The following PHYKPL variants were observed in gnomAD, a reference collection of about 807,000 sequenced individuals.
The protein encoded by PHYKPL is 5-phosphonooxy-L-lysine phospho-lyase.
In PHYKPL, 42 loss-of-function variants were observed where a neutral mutation model predicts 51.3. The ratio of observed to expected loss-of-function variants is 0.82; its 90% CI spans 0.64 to 1.06. The LOEUF (loss-of-function observed/expected upper bound fraction) is 1.06. Ranked by LOEUF, PHYKPL falls within the 50% of genes least tolerant of loss-of-function variation. The pLI, the probability that PHYKPL is intolerant of heterozygous loss-of-function variation, is 0.00. For synonymous variants in PHYKPL, 264 were observed against 236.0 expected (o/e 1.12, Z -1.09); for missense variants, 655 against 586.6 (o/e 1.12, Z -1.20).
chr5:178,210,648 AT>A, intron 12 of PHYKPL: 2 of 1,570,024 alleles, frequency 1.3e-6, no homozygotes, highest in South Asian at 2.2e-5. Flanking sequence ...CGACCAACTG[AT>A]CGCACACATG....
Position 178,215,404 on chromosome 5 carries a change from A to G in PHYKPL, c.954T>C (p.Ala318=). 6.2e-7 allele frequency: 1 copy of G among 1,613,678 alleles called. No individual in the cohort carries two copies. Among genetic ancestry groups the G allele is most frequent in the Non-Finnish European group, 8.5e-7 (1 of 1,179,892 alleles). ...AGACATTCAGGACGGCCAGCCCCACAGCGCAGGACACTGGGCTGCCCCCAA... is the reference window on the plus strand; with the variant it reads ...AGACATTCAGGACGGCCAGCCCCACGGCGCAGGACACTGGGCTGCCCCCAA... ...NTFGGSPVSC[A]VGLAVLNVLE... Residue 318 remains alanine (A), a synonymous_variant, in exon 9 of 13, where the codon GCT becomes GCC. Transcript: ENST00000308158.
intron 8 of PHYKPL, among the ~76,000 whole-genome samples, chr5:178,217,858 A>AG (rs1224961957): frequency 1.4e-5 from 2 of 147,934 alleles, no homozygotes; most frequent in African/African-American, 2.5e-5. Flanking sequence ...ACTCCGTCTC[A>AG]GAAAAAAAAA....
chr5:178,215,702 G>T, intron 8 of PHYKPL: 1 of 440,530 alleles, frequency 2.3e-6, no homozygotes, highest in Non-Finnish European at 4.0e-6. Flanking sequence ...AGAGGAGAGG[G>T]TGTCCTGTTT....
chr5:178,215,171 G>A, intron 9 of PHYKPL, 105 bp downstream of exon 9: 1 of 1,551,398 alleles, frequency 6.4e-7, no homozygotes, highest in South Asian at 1.1e-5. Flanking sequence ...AGTTCCTCTT[G>A]AGAGCGGACA....
rs1300356870 is a variant in PHYKPL at position 178,218,088 on chromosome 5, G to A, written c.928-2658C>T. Reference sequence around the variant, plus strand: ...AAAAATTAGCCGGGCGTGGTAGCGGGCGCCTGTAGTCCCAGCTACTCGGGA... The same window carrying A: ...AAAAATTAGCCGGGCGTGGTAGCGGACGCCTGTAGTCCCAGCTACTCGGGA... On this transcript the variant is annotated intron_variant, in intron 8 of 12. Transcript: ENST00000308158. Among the ~76,000 whole-genome samples the A allele has an allele frequency of 7.1e-5, 8 of 111,994 alleles. 1 individual carries two copies. The highest frequency in any genetic ancestry group is 5.3e-5 in the Non-Finnish European group (3 of 56,598). The allele number at this position is 111,994 out of a possible 152,430, so 73.5% of individuals were successfully genotyped here.
rs773646022 is a variant in PHYKPL at position 178,224,628 on chromosome 5, T to C, written c.501+14A>G. 22 of 1,614,080 alleles carry C rather than the reference T, an allele frequency of 1.4e-5. No individual in the cohort carries two copies. Among genetic ancestry groups the C allele is most frequent in the Non-Finnish European group, 1.9e-5 (22 of 1,180,030 alleles). On this transcript the variant is annotated intron_variant, in intron 5 of 12. Transcript: ENST00000308158. ...GACAGGCACCGACCTGTTGTTGAGT[T>C]GGGCAGTGCATACCACGTGGACCCA...
downstream of PHYKPL, chr5:178,207,231 G>A: frequency 6.2e-7 from 1 of 1,613,850 alleles, no homozygotes; most frequent in South Asian, 1.1e-5. Flanking sequence ...GCAAGGTAAG[G>A]TGTTCCCAGC....
intron 12 of PHYKPL, 36 bp downstream of exon 12, chr5:178,211,854 G>C (rs1187371341): frequency 2.7e-6 from 4 of 1,484,120 alleles, no homozygotes; most frequent in Non-Finnish European, 3.8e-6. Context: ...GGAACCCGCT[G>C]TGCATCTTCA....
At chr5:178,218,020 A>T (rs1760233749) in intron 8 of PHYKPL, among the ~76,000 whole-genome samples, 3 of 147,252 alleles carry the variant, frequency 2.0e-5, no homozygotes, top group African/African-American at 7.6e-5. Context: ...GATCGAGACC[A>T]TCCTGGCTAA....
chr5:178,211,933 C>T lies in PHYKPL; in HGVS notation c.1341G>A (p.Arg447=). The change falls in exon 12 of 13, where the codon AGG becomes AGA. Residue 447 remains arginine, a synonymous_variant. Transcript: ENST00000308158. The part of the protein sequence containing the change: ...EEKVRSCETL[R]LQP ...GAGCAGGGCTGGCTTAGGGCTGGAGCCTCAGCGTTTCACAACTTCTCACCT... is the reference window on the plus strand; with the variant it reads ...GAGCAGGGCTGGCTTAGGGCTGGAGTCTCAGCGTTTCACAACTTCTCACCT... 1.2e-6 allele frequency: 2 copies of T among 1,614,198 alleles called. No individual in the cohort carries two copies. The highest frequency in any genetic ancestry group is 1.7e-6 in the Non-Finnish European group (2 of 1,180,026).
At chr5:178,229,905 A>T in intron 3 of PHYKPL, 35 bp downstream of exon 3, 2 of 1,606,358 alleles carry the variant, frequency 1.2e-6, no homozygotes, top group Non-Finnish European at 1.7e-6. Flanking sequence ...TTACCGTCTC[A>T]CCCTCTTCCC....
At position 178,218,097 on chromosome 5, in the gene PHYKPL, G is replaced by T. The variant is rs1234813028; in HGVS notation, c.928-2667C>A. Among the ~76,000 whole-genome samples the T allele has an allele frequency of 2.0e-5, 2 of 98,216 alleles. 1 individual carries two copies. Among genetic ancestry groups the T allele is most frequent in the East Asian group, 6.2e-4 (2 of 3,240 alleles). 64.4% of individuals were successfully genotyped at this position (98,216 alleles called of 152,430 possible). The stretch of plus-strand genomic sequence containing the variant: ...CCGGGCGTGGTAGCGGGCGCCTGTA[G>T]TCCCAGCTACTCGGGAGGCTGAGGC... On this transcript the variant is annotated intron_variant, in intron 8 of 12. Transcript: ENST00000308158.
rs1759148922 is a variant in PHYKPL at position 178,213,732 on chromosome 5, ATTT to A, written c.1173-632_1173-630del. On this transcript the variant is annotated intron_variant, in intron 10 of 12. Coordinates refer to ENST00000308158, the MANE Select transcript of PHYKPL (RefSeq NM_153373.4). ...TTCCCCTTCTTTTGTAAACCTTGTT[ATTT>A]TTATTTCTTGGGGGTGGGGAGTGTG... Among the ~76,000 whole-genome samples, 4 of 151,990 alleles carry A rather than the reference ATTT, an allele frequency of 2.6e-5. No homozygotes were observed. In the South Asian group the frequency reaches 8.3e-4, roughly 32 times the overall value.
rs748516130 is a variant in PHYKPL, at chr5:178,224,626, G to A, written c.501+16C>T. Reference sequence around the variant, plus strand: ...GGGACAGGCACCGACCTGTTGTTGAGTTGGGCAGTGCATACCACGTGGACC... The same window carrying A: ...GGGACAGGCACCGACCTGTTGTTGAATTGGGCAGTGCATACCACGTGGACC... On this transcript the variant is annotated intron_variant, in intron 5 of 12. Coordinates refer to ENST00000308158, the MANE Select transcript of PHYKPL (RefSeq NM_153373.4). 2 of 1,614,250 alleles carry A rather than the reference G, an allele frequency of 1.2e-6. No homozygotes were observed. The highest frequency in any genetic ancestry group is 3.3e-5 in the Admixed American group (2 of 60,034).
intron 8 of PHYKPL, among the ~76,000 whole-genome samples, chr5:178,220,976 A>G (rs1368830417): frequency 6.6e-6 from 1 of 152,212 alleles, no homozygotes; most frequent in Non-Finnish European, 1.5e-5. Context: ...GATGGTTACC[A>G]TGGTTATTCA....
chr5:178,221,756 A>G (rs948054630), intron 8 of PHYKPL, among the ~76,000 whole-genome samples: 19 of 152,128 alleles, frequency 1.2e-4, no homozygotes, highest in Admixed American at 7.2e-4. Context: ...ACTGAGCACC[A>G]GAGATCTTTC....
downstream of PHYKPL, chr5:178,207,251 C>G: frequency 6.2e-7 from 1 of 1,612,380 alleles, no homozygotes. Context: ...CTCTGCTTGG[C>G]CTCCTGTGCT....
chr5:178,220,931 C>G (rs2961681), intron 8 of PHYKPL, among the ~76,000 whole-genome samples: 118,507 of 152,092 alleles, frequency 0.78, 46,681 homozygotes, highest in African/African-American at 0.89. Context: ...TTCATATAAA[C>G]TCAAATAACA....
intron 3 of PHYKPL, among the ~76,000 whole-genome samples, chr5:178,229,182 C>G (rs994028424): frequency 2.7e-5 from 4 of 150,510 alleles, no homozygotes; most frequent in Middle Eastern, 3.2e-3. Flanking sequence ...TTTTGGCTCA[C>G]TGCAACCTCC....
Sources: gnomAD v4.1 joint callset for allele counts (sites outside exome capture counted in the v4.1 genomes callset) on GRCh38, gnomAD v4.1.1 for gene constraint, MANE v1.5 for transcripts, NCBI Gene and HGNC (gene_info 2026-07-23, HGNC 2026-07-21) for gene names.